The following UBXN2B variants were observed in gnomAD, a reference collection of about 807,000 sequenced individuals.
The protein encoded by UBXN2B is UBX domain-containing protein 2B.
A neutral mutation model predicts 37.5 loss-of-function variants in UBXN2B; 19 were observed. That is an observed-to-expected ratio of 0.51 (90% CI 0.35 to 0.74). The LOEUF (loss-of-function observed/expected upper bound fraction) is 0.74. Among genes scored for constraint, UBXN2B ranks in the 30% least tolerant of loss-of-function variants. The pLI is 0.01. For synonymous variants in UBXN2B, 145 were observed against 143.8 expected, an observed-to-expected ratio of 1.01 and a Z score of -0.06; for missense variants, 370 against 393.2, an observed-to-expected ratio of 0.94 and a Z score of 0.50.
rs766145751 is a variant in UBXN2B at position 58,434,344 on chromosome 8, T to C, written c.424-51T>C. 3 of 547,958 alleles carry C rather than the reference T, an allele frequency of 5.5e-6. No individual in the cohort carries two copies. The South Asian group carries it at 2.5e-4, about 45-fold the overall frequency. 33.9% of individuals were successfully genotyped at this position (547,958 alleles called of 1,614,324 possible). A position where few individuals can be genotyped will look rare whatever the true frequency, so the allele number is the denominator to read the frequency against. ...TGGGGGAGATATATTCTTATGTATA[T>C]GTGAATATATATATATATATATATA... On this transcript the variant is annotated intron_variant, in intron 4 of 7. Coordinates refer to ENST00000399598, the MANE Select transcript of UBXN2B (RefSeq NM_001077619.2).
chr8:58,430,766 T>G (rs1808251451), intron 3 of UBXN2B, 97 bp downstream of exon 3: 13 of 976,530 alleles, frequency 1.3e-5, no homozygotes, highest in Non-Finnish European at 1.8e-5. Context: ...TAATTGTATA[T>G]TTCTGTTTTA....
rs1808043263 is a variant in UBXN2B at position 58,425,020 on chromosome 8, T to C, written c.189-5499T>C. Reference sequence around the variant, plus strand: ...GCCGTGCACCACGACTGGCCTTGCATGCATGATGCGTTCCTGCTTATGGTG... The same window carrying C: ...GCCGTGCACCACGACTGGCCTTGCACGCATGATGCGTTCCTGCTTATGGTG... On this transcript the variant is annotated intron_variant, in intron 2 of 7. Coordinates refer to ENST00000399598, the MANE Select transcript of UBXN2B (RefSeq NM_001077619.2). 6 of 782,204 alleles carry C rather than the reference T, an allele frequency of 7.7e-6. No homozygotes were observed. The East Asian group carries it at 9.7e-5, about 13-fold the overall frequency. The allele number at this position is 782,204 out of a possible 1,614,324, so 48.5% of individuals were successfully genotyped here.
chr8:58,423,926 C>T (rs574989308), intron 2 of UBXN2B, among the ~76,000 whole-genome samples: 3 of 151,604 alleles, frequency 2.0e-5, no homozygotes, highest in South Asian at 2.1e-4. Context: ...TGTAATTGGT[C>T]ATCGGCTGGA....
Position 58,448,286 on chromosome 8 carries a change from GC to G in UBXN2B, c.*737del, listed in dbSNP as rs1473153873. The G allele has an allele frequency of 6.6e-6, 1 of 150,630 alleles. No individual in the cohort carries two copies. Among genetic ancestry groups the G allele is most frequent in the African/African-American group, 2.5e-5 (1 of 40,810 alleles). The allele number at this position is 150,630 out of a possible 1,614,324, so 9.3% of individuals were successfully genotyped here. A position where few individuals can be genotyped will look rare whatever the true frequency, so the allele number is the denominator to read the frequency against. ...CCTCCCAGGTTCAAAAGATTCTCCT[GC>G]CTTAGCCTCCCAAGTAGCTGGGATT... On this transcript the variant is annotated 3_prime_UTR_variant, in exon 8 of 8. Transcript: ENST00000399598.
At chr8:58,428,134 C>T (rs1808151345) in intron 2 of UBXN2B, among the ~76,000 whole-genome samples, 1 of 152,128 alleles carries the variant, frequency 6.6e-6, no homozygotes, top group African/African-American at 2.4e-5. Context: ...AGTAGCAAAC[C>T]TTGAGATTCA....
chr8:58,425,579 G>A (rs910738205), intron 2 of UBXN2B: 22 of 1,060,042 alleles, frequency 2.1e-5, no homozygotes, highest in African/African-American at 3.1e-5. Flanking sequence ...CCCTCTTTTC[G>A]GCCGTAGAGA....
chr8:58,420,515 C>T (rs1270940373), intron 2 of UBXN2B, among the ~76,000 whole-genome samples: 1 of 152,148 alleles, frequency 6.6e-6, no homozygotes, highest in Admixed American at 6.5e-5. Context: ...AAAGATTTAT[C>T]AATAAAATAT....
At chr8:58,440,793 G>A (rs1808519213) in intron 6 of UBXN2B, among the ~76,000 whole-genome samples, 1 of 151,934 alleles carries the variant, frequency 6.6e-6, no homozygotes. Flanking sequence ...ATTCAATATT[G>A]CTTCTTTATG....
At chr8:58,412,333 C>A (rs549094448) in intron 1 of UBXN2B, among the ~76,000 whole-genome samples, 2 of 152,288 alleles carry the variant, frequency 1.3e-5, no homozygotes, top group East Asian at 3.9e-4. Context: ...GACATCAAAT[C>A]CTTAGTCGGT....
chr8:58,425,803 A>G (rs1808067625), intron 2 of UBXN2B: 1 of 1,170,144 alleles, frequency 8.5e-7, no homozygotes, highest in Non-Finnish European at 1.3e-6. Flanking sequence ...CTGTCAAAGA[A>G]TCATACCGTT....
chr8:58,426,470 A>C (rs995061930), intron 2 of UBXN2B: 18 of 686,858 alleles, frequency 2.6e-5, no homozygotes, highest in Non-Finnish European at 4.6e-5. Flanking sequence ...AGCCTCCCAA[A>C]GTGCTGGGAT....
rs1808772725 is a variant in UBXN2B at position 58,450,159 on chromosome 8, T to C, written c.*2608T>C. ...GAGTAAAGGCTGTCCTGACGGTGAA[T>C]CTTAGTTTTAGTGGCTTTTGCCATT... On this transcript the variant is annotated 3_prime_UTR_variant, in exon 8 of 8. Coordinates refer to ENST00000399598, the MANE Select transcript of UBXN2B (RefSeq NM_001077619.2). 6.6e-6 allele frequency: 1 copy of C among 152,216 alleles called. No homozygotes were observed. 9.4% of individuals were successfully genotyped at this position (152,216 alleles called of 1,614,324 possible). A position where few individuals can be genotyped will look rare whatever the true frequency, so the allele number is the denominator to read the frequency against.
At chr8:58,438,175 G>C (rs1260029005) in intron 5 of UBXN2B, among the ~76,000 whole-genome samples, 3 of 152,214 alleles carry the variant, frequency 2.0e-5, no homozygotes, top group African/African-American at 7.2e-5. Flanking sequence ...CTTTCGCATG[G>C]TGTTAAGCCT....
At chr8:58,431,447 A>G (rs1808274919) in intron 3 of UBXN2B, among the ~76,000 whole-genome samples, 1 of 152,226 alleles carries the variant, frequency 6.6e-6, no homozygotes, top group Non-Finnish European at 1.5e-5. Flanking sequence ...TTATATAGAT[A>G]TACCACAGTT....
In UBXN2B at chr8:58,411,394, G is replaced by C. The variant is rs2129603506; in HGVS notation, c.9G>C (p.Glu3Asp). MA[E>D]GGGPEPGEQE... is the part of the protein sequence containing the mutation. ...CCGCTAGCCAGCGGAAGATGGCGGAGGGCGGAGGCCCTGAGCCCGGCGAGC... is the reference window on the plus strand; with the variant it reads ...CCGCTAGCCAGCGGAAGATGGCGGACGGCGGAGGCCCTGAGCCCGGCGAGC... The change falls in exon 1 of 8, where the codon GAG becomes GAC. Residue 3 changes from glutamate to aspartate, a missense_variant. Around this residue, in one of 3 missense-constraint regions of UBXN2B, gnomAD observed 197 missense variants for 170.2 expected, o/e 1.16. Coordinates refer to ENST00000399598, the MANE Select transcript of UBXN2B (RefSeq NM_001077619.2). 5 of 1,269,576 alleles carry C rather than the reference G, an allele frequency of 3.9e-6. No individual in the cohort carries two copies. The highest frequency in any genetic ancestry group is 5.0e-6 in the Non-Finnish European group (5 of 1,003,500). The allele number at this position is 1,269,576 out of a possible 1,614,324, so 78.6% of individuals were successfully genotyped here.
intron 2 of UBXN2B, among the ~76,000 whole-genome samples, chr8:58,428,769 G>GTA (rs1808172070): frequency 6.6e-6 from 1 of 152,192 alleles, no homozygotes; most frequent in South Asian, 2.1e-4. Flanking sequence ...AAGCTGCAAT[G>GTA]GTTAAGAGAG....
At chr8:58,421,066 A>G (rs919497376) in intron 2 of UBXN2B, among the ~76,000 whole-genome samples, 1 of 152,220 alleles carries the variant, frequency 6.6e-6, no homozygotes, top group Non-Finnish European at 1.5e-5. Context: ...ACACTTCACA[A>G]TTGCAAACCT....
chr8:58,424,421 AT>A (rs1222645320), intron 2 of UBXN2B, among the ~76,000 whole-genome samples: 2 of 152,326 alleles, frequency 1.3e-5, no homozygotes, highest in East Asian at 3.9e-4. Context: ...AAATACAGTG[AT>A]CTTTAAATGG....
intron 1 of UBXN2B, among the ~76,000 whole-genome samples, chr8:58,411,851 G>A (rs1206475794): frequency 6.6e-6 from 1 of 152,174 alleles, no homozygotes; most frequent in South Asian, 2.1e-4. Flanking sequence ...GTAATGATAC[G>A]TGATTTGTTC....
Sources: allele counts gnomAD v4.1 joint callset (sites outside exome capture counted in the v4.1 genomes callset), GRCh38; gene constraint gnomAD v4.1.1; regional missense constraint gnomAD v4.1.1; transcripts MANE v1.5; gene names NCBI Gene and HGNC (gene_info 2026-07-23, HGNC 2026-07-21).